Variants in KSR1 observed in about 807,000 individuals in gnomAD.
KSR1 encodes the protein kinase suppressor of ras.
KSR1 carries 35 observed loss-of-function variants against 92.9 expected under a neutral mutation model. The ratio of observed to expected loss-of-function variants is 0.38; its 90% CI spans 0.29 to 0.50. KSR1 has a LOEUF of 0.50. KSR1 is among the 20% of genes least tolerant of loss of function. The pLI is 0.94. For synonymous variants in KSR1, 467 were observed against 472.6 expected, an observed-to-expected ratio of 0.99 and a Z score of 0.15; for missense variants, 972 against 1,158.5, an observed-to-expected ratio of 0.84 and a Z score of 2.34.
intron 18 of KSR1, among the ~76,000 whole-genome samples, chr17:27,613,635 T>A (rs2073981248): frequency 6.6e-6 from 1 of 152,206 alleles, no homozygotes; most frequent in Non-Finnish European, 1.5e-5. Context: ...ACATCTGTTG[T>A]AAACACTTGT....
At chr17:27,534,605 A>G (rs1334379975) in intron 1 of KSR1, among the ~76,000 whole-genome samples, 3 of 152,190 alleles carry the variant, frequency 2.0e-5, no homozygotes, top group South Asian at 2.1e-4. Flanking sequence ...ATCCATCACT[A>G]TACTGCCCCT....
At position 27,457,453 on chromosome 17, in the gene KSR1, C is replaced by T. The variant is rs1481412839; in HGVS notation, c.231+579C>T. 2.0e-5 allele frequency among the ~76,000 whole-genome samples: 3 copies of T among 152,298 alleles called. No individual in the cohort carries two copies. The East Asian group carries it at 5.8e-4, about 29-fold the overall frequency. On this transcript the variant is annotated intron_variant, in intron 1 of 20. Coordinates refer to ENST00000644974, the MANE Select transcript of KSR1 (RefSeq NM_001394583.1). ...CTTTCCTTTCACGTTGCCACGGAGG[C>T]TCGCTGCTTAAAATGTATTAATAAT... is the stretch of plus-strand genomic sequence containing the variant.
At chr17:27,582,548 G>C (rs1386731747) in intron 3 of KSR1, 98 bp from the exon 4 acceptor site, 2 of 1,088,376 alleles carry the variant, frequency 1.8e-6, no homozygotes, top group African/African-American at 1.6e-5. Context: ...AAACAGTGCA[G>C]CCTCACACCA....
At chr17:27,580,583 T>G (rs2072712784) in intron 3 of KSR1, among the ~76,000 whole-genome samples, 4 of 152,022 alleles carry the variant, frequency 2.6e-5, no homozygotes, top group Admixed American at 2.6e-4. Flanking sequence ...GGTGCTGAGA[T>G]CGATGTTTTC....
At chr17:27,545,114 G>A (rs1462186802) in intron 1 of KSR1, among the ~76,000 whole-genome samples, 1 of 152,182 alleles carries the variant, frequency 6.6e-6, no homozygotes, top group East Asian at 1.9e-4. Flanking sequence ...CCAGGTTTAT[G>A]GGTTATCTGG....
At chr17:27,557,585 C>T (rs2071653668) in intron 2 of KSR1, among the ~76,000 whole-genome samples, 1 of 152,172 alleles carries the variant, frequency 6.6e-6, no homozygotes, top group African/African-American at 2.4e-5. Context: ...GCCTTTTACA[C>T]AATGTGAGAT....
chr17:27,544,533 TTC>T (rs1444054647), intron 1 of KSR1, among the ~76,000 whole-genome samples: 2 of 152,222 alleles, frequency 1.3e-5, no homozygotes, highest in Non-Finnish European at 2.9e-5. Flanking sequence ...CCTGATACTA[TTC>T]TCTTTCTGTA....
intron 1 of KSR1, among the ~76,000 whole-genome samples, chr17:27,542,986 CT>C: frequency 6.6e-6 from 1 of 152,322 alleles, no homozygotes; most frequent in East Asian, 1.9e-4. Context: ...GGACCACTAA[CT>C]AATGGTAGGC....
chr17:27,580,877 G>A (rs2072725976), intron 3 of KSR1, among the ~76,000 whole-genome samples: 1 of 152,018 alleles, frequency 6.6e-6, no homozygotes, highest in Non-Finnish European at 1.5e-5. Context: ...AGCGATTCTT[G>A]TGCCTCAGCC....
intron 1 of KSR1, among the ~76,000 whole-genome samples, chr17:27,524,600 C>CT (rs2070179910): frequency 6.6e-6 from 1 of 152,104 alleles, no homozygotes; most frequent in Non-Finnish European, 1.5e-5. Flanking sequence ...TGCAAAGGGG[C>CT]TTGTAGAGCA....
chr17:27,573,720 A>G (rs1213579030), intron 2 of KSR1, among the ~76,000 whole-genome samples: 1 of 152,166 alleles, frequency 6.6e-6, no homozygotes, highest in Non-Finnish European at 1.5e-5. Flanking sequence ...TATTTGGAGG[A>G]GGTTTGGAAT....
chr17:27,553,874 A>T (rs1598013426), intron 2 of KSR1, among the ~76,000 whole-genome samples: 1 of 152,294 alleles, frequency 6.6e-6, no homozygotes, highest in East Asian at 1.9e-4. Context: ...ACATGTGTGG[A>T]AGCCTAGTGA....
chr17:27,523,911 C>A (rs915365463), intron 1 of KSR1, among the ~76,000 whole-genome samples: 8 of 152,190 alleles, frequency 5.3e-5, no homozygotes, highest in Non-Finnish European at 8.8e-5. Context: ...CACAGCTACA[C>A]CTGCCTGCAA....
At chr17:27,585,627 A>G (rs1053009345) in intron 4 of KSR1, 30 bp from the exon 5 acceptor site, 1 of 757,922 alleles carries the variant, frequency 1.3e-6, no homozygotes, top group African/African-American at 1.7e-5. Context: ...TGGTGACGTA[A>G]TCCCCCTCTC....
At chr17:27,533,757 G>A (rs1446326148) in intron 1 of KSR1, among the ~76,000 whole-genome samples, 3 of 152,164 alleles carry the variant, frequency 2.0e-5, no homozygotes. Flanking sequence ...GATCCTAAGG[G>A]CTGTCTGTAC....
intron 1 of KSR1, among the ~76,000 whole-genome samples, chr17:27,490,582 T>TG (rs1418841835): frequency 6.6e-6 from 1 of 152,204 alleles, no homozygotes; most frequent in South Asian, 2.1e-4. Context: ...AGCAAAGACC[T>TG]GGGGGGTCTT....
chr17:27,540,681 C>A (rs539079461), intron 1 of KSR1, among the ~76,000 whole-genome samples: 19 of 152,342 alleles, frequency 1.2e-4, no homozygotes, highest in Admixed American at 1.2e-3. Flanking sequence ...TCCCTGTGTG[C>A]CTCTCCTGCT....
In KSR1 at chr17:27,460,355, C is replaced by T. The variant is rs2019374986; in HGVS notation, c.231+3481C>T. ...CAGGGACATTGTGACTTGCCCTTTC[C>T]TGCCAGCCTACTAGTACTTTCCAGA... On this transcript the variant is annotated intron_variant, in intron 1 of 20. Transcript: ENST00000644974. Among the ~76,000 whole-genome samples the T allele has an allele frequency of 2.0e-5, 3 of 152,308 alleles. No homozygotes were observed. The East Asian group carries it at 5.8e-4, about 29-fold the overall frequency.
intron 1 of KSR1, among the ~76,000 whole-genome samples, chr17:27,499,649 G>A (rs960497078): frequency 5.9e-5 from 9 of 152,214 alleles, no homozygotes; most frequent in African/African-American, 1.2e-4. Context: ...GCAGACAGCC[G>A]GCCCTTGGCA....
Sources: allele counts gnomAD v4.1 joint callset (sites outside exome capture counted in the v4.1 genomes callset), GRCh38; gene constraint gnomAD v4.1.1; transcripts MANE v1.5; gene names NCBI Gene and HGNC (gene_info 2026-07-23, HGNC 2026-07-21).